The following USP35 variants were observed in gnomAD, a reference collection of about 807,000 sequenced individuals.
USP35 encodes ubiquitin carboxyl-terminal hydrolase 35.
In USP35, 69 loss-of-function variants were observed where a neutral mutation model predicts 83.8. The ratio of observed to expected loss-of-function variants is 0.82; its 90% CI spans 0.68 to 1.01. USP35 has a LOEUF of 1.01. Ranked by LOEUF, USP35 falls within the 50% of genes least tolerant of loss-of-function variation. The pLI is 0.00. For synonymous variants in USP35, 714 were observed against 589.5 expected (o/e 1.21, Z -3.06); for missense variants, 1,503 against 1,362.5 (o/e 1.10, Z -1.62).
intron 6 of USP35, among the ~76,000 whole-genome samples, chr11:78,203,887 C>CTTTTTTTTTTTTT (rs200697593): frequency 8.0e-6 from 1 of 124,414 alleles, no homozygotes; most frequent in Non-Finnish European, 1.6e-5. Flanking sequence ...CCATATTTTT[C>CTTTTTTTTTTTTT]TTTTCTTTTT....
intron 6 of USP35, among the ~76,000 whole-genome samples, chr11:78,203,257 T>A (rs1226804456): frequency 6.6e-6 from 1 of 152,126 alleles, no homozygotes; most frequent in South Asian, 2.1e-4. Context: ...AGTTTGATCT[T>A]ACTGTACGGG....
At position 78,200,345 on chromosome 11, in the gene USP35, G is replaced by A. The variant is rs1018823270; in HGVS notation, c.1038+111G>A. The A allele has an allele frequency of 6.1e-6, 8 of 1,319,488 alleles. No homozygotes were observed. In the African/African-American group the frequency reaches 1.0e-4, roughly 17 times the overall value. 81.7% of individuals were successfully genotyped at this position (1,319,488 alleles called of 1,614,324 possible). A position where few individuals can be genotyped will look rare whatever the true frequency, so the allele number is the denominator to read the frequency against. ...CTGCCTGCTGACCCTGGGCTCTTGG[G>A]GCAGGTCACTTGGCTGAGGCCAAGC... On this transcript the variant is annotated intron_variant, in intron 5 of 10. Coordinates refer to ENST00000529308, the MANE Select transcript of USP35 (RefSeq NM_020798.4).
At chr11:78,233,125 C>T in the USP35 span, among the ~76,000 whole-genome samples, 2 of 150,022 alleles carry the variant, frequency 1.3e-5, no homozygotes, top group African/African-American at 2.5e-5. Context: ...CTGCAACCTC[C>T]GCCTCCTGGG....
intron 1 of USP35, among the ~76,000 whole-genome samples, chr11:78,193,074 C>T (rs1346522900): frequency 6.6e-6 from 1 of 152,206 alleles, no homozygotes; most frequent in Non-Finnish European, 1.5e-5. Flanking sequence ...ATCCACTAGC[C>T]ATCCCAGGGG....
At chr11:78,222,587 T>C in the USP35 span, among the ~76,000 whole-genome samples, 1 of 150,154 alleles carries the variant, frequency 6.7e-6, no homozygotes, top group Non-Finnish European at 1.5e-5. Flanking sequence ...TTAACACACA[T>C]ATATGTATTT....
chr11:78,199,938 A>G (rs1314474880), intron 4 of USP35, among the ~76,000 whole-genome samples, 195 bp from the exon 5 acceptor site: 3 of 152,130 alleles, frequency 2.0e-5, no homozygotes, highest in African/African-American at 7.2e-5. Flanking sequence ...TGGTGTGTCC[A>G]TCCATTCCTC....
Position 78,200,914 on chromosome 11 carries a change from G to A in USP35, c.1197+106G>A, listed in dbSNP as rs143162845. On this transcript the variant is annotated intron_variant, in intron 6 of 10. Coordinates refer to ENST00000529308, the MANE Select transcript of USP35 (RefSeq NM_020798.4). ...GCTTGGTGGCAGTCCCCGTCATTTG[G>A]TGCCTGGCTGTCTCCCATCACCTCC... 83 of 1,447,880 alleles carry A rather than the reference G, an allele frequency of 5.7e-5. No individual in the cohort carries two copies. In the East Asian group the frequency reaches 1.7e-3, roughly 30 times the overall value. 89.7% of individuals were successfully genotyped at this position (1,447,880 alleles called of 1,614,324 possible). A position where few individuals can be genotyped will look rare whatever the true frequency, so the allele number is the denominator to read the frequency against.
chr11:78,207,815 G>A (rs1203552206), intron 8 of USP35, among the ~76,000 whole-genome samples, 192 bp downstream of exon 8: 1 of 152,230 alleles, frequency 6.6e-6, no homozygotes, highest in Non-Finnish European at 1.5e-5. Context: ...GGGCCCCCTT[G>A]AGCCCTGTTC....
intron 7 of USP35, among the ~76,000 whole-genome samples, chr11:78,206,660 C>T (rs1193326650): frequency 6.6e-6 from 1 of 152,194 alleles, no homozygotes; most frequent in East Asian, 1.9e-4. Context: ...TTCCAGTCTG[C>T]TGCAGAATAT....
At chr11:78,225,290 T>A in the USP35 span, 1 of 809,344 alleles carries the variant, frequency 1.2e-6, no homozygotes, top group South Asian at 1.5e-5. Context: ...GTTCAAGGTC[T>A]TACTGATACT....
chr11:78,223,853 G>C, the USP35 span, among the ~76,000 whole-genome samples: 38 of 152,278 alleles, frequency 2.5e-4, no homozygotes, highest in Middle Eastern at 3.4e-3. Flanking sequence ...GGCTGAGGCA[G>C]GTGGATCACT....
chr11:78,195,005 G>T (rs1040907801), intron 1 of USP35, among the ~76,000 whole-genome samples: 6 of 152,204 alleles, frequency 3.9e-5, no homozygotes, highest in Non-Finnish European at 5.9e-5. Context: ...AGGTCTGCAG[G>T]GGGAGGGAAG....
At chr11:78,222,125 G>A in the USP35 span, 1 of 1,612,480 alleles carries the variant, frequency 6.2e-7, no homozygotes, top group Non-Finnish European at 8.5e-7. Context: ...ACCAAGACTT[G>A]GTGATAGGTG....
chr11:78,227,878 A>T, the USP35 span, among the ~76,000 whole-genome samples: 648 of 152,278 alleles, frequency 4.3e-3, 3 homozygotes, highest in African/African-American at 0.015. Flanking sequence ...ACCATGATTT[A>T]TGGTTGGTTA....
chr11:78,208,793 G>C, intron 8 of USP35, 64 bp from the exon 9 acceptor site: 1 of 1,574,520 alleles, frequency 6.4e-7, no homozygotes, highest in South Asian at 1.1e-5. Flanking sequence ...GGCCTAACCT[G>C]TGCAGAGCTG....
chr11:78,195,493 G>A (rs999044176), intron 1 of USP35, among the ~76,000 whole-genome samples: 1 of 152,066 alleles, frequency 6.6e-6, no homozygotes, highest in Non-Finnish European at 1.5e-5. Flanking sequence ...TCTCCCTTGG[G>A]GCCTCTTGCC....
the USP35 span, among the ~76,000 whole-genome samples, chr11:78,231,416 T>C: frequency 6.6e-6 from 1 of 151,926 alleles, no homozygotes; most frequent in Non-Finnish European, 1.5e-5. Context: ...TGATGCAATC[T>C]TGGCTCACTG....
the USP35 span, among the ~76,000 whole-genome samples, chr11:78,232,824 G>A: frequency 2.0e-5 from 3 of 152,146 alleles, no homozygotes; most frequent in Non-Finnish European, 4.4e-5. Flanking sequence ...GTCTATGCGA[G>A]GCAGGATGAA....
chr11:78,226,814 C>G, the USP35 span: 1 of 1,614,020 alleles, frequency 6.2e-7, no homozygotes, highest in Non-Finnish European at 8.5e-7. Flanking sequence ...CATTATCTGT[C>G]TCGGAGCCTG....
Sources: allele counts gnomAD v4.1 joint callset (sites outside exome capture counted in the v4.1 genomes callset), GRCh38; gene constraint gnomAD v4.1.1; transcripts MANE v1.5; gene names NCBI Gene and HGNC (gene_info 2026-07-23, HGNC 2026-07-21).